The following DCLK1 variants were observed in gnomAD, a reference collection of about 807,000 sequenced individuals.
DCLK1 encodes serine/threonine-protein kinase DCLK1.
In DCLK1, 16 loss-of-function variants were observed where a neutral mutation model predicts 86.2. That is an observed-to-expected ratio of 0.19 (90% CI 0.13 to 0.28). The LOEUF is 0.28. DCLK1 is among the 10% of genes least tolerant of loss of function. The pLI, the probability that DCLK1 is intolerant of heterozygous loss-of-function variation, is 1.00. For missense variants in DCLK1, 590 were observed against 940.2 expected, an observed-to-expected ratio of 0.63 and a Z score of 4.87; for synonymous variants, 369 against 370.5, an observed-to-expected ratio of 1.00 and a Z score of 0.05.
intron 4 of DCLK1, among the ~76,000 whole-genome samples, chr13:35,910,224 C>T (rs1170233781): frequency 6.6e-6 from 1 of 152,180 alleles, no homozygotes; most frequent in Non-Finnish European, 1.5e-5. Context: ...CAATAATAAA[C>T]TGAAATGCAC....
intron 3 of DCLK1, among the ~76,000 whole-genome samples, chr13:36,058,242 T>C (rs2153158649): frequency 6.6e-6 from 1 of 151,684 alleles, no homozygotes; most frequent in East Asian, 1.9e-4. Flanking sequence ...CTGGACAGAG[T>C]TGTCCTCCCT....
intron 16 of DCLK1, among the ~76,000 whole-genome samples, chr13:35,790,434 A>G (rs1009145723): frequency 3.9e-5 from 6 of 152,182 alleles, no homozygotes; most frequent in African/African-American, 1.2e-4. Context: ...TGATTCCCCA[A>G]CTGCCACCAA....
chr13:35,999,258 CAA>C (rs34914381), intron 3 of DCLK1, among the ~76,000 whole-genome samples: 30 of 115,254 alleles, frequency 2.6e-4, no homozygotes, highest in Middle Eastern at 4.6e-3. Context: ...CTGTCTCAAA[CAA>C]AAAAAAAAAA....
intron 4 of DCLK1, among the ~76,000 whole-genome samples, chr13:35,941,767 T>C (rs1242330210): frequency 2.0e-5 from 3 of 152,240 alleles, no homozygotes; most frequent in Non-Finnish European, 4.4e-5. Context: ...TAACACATTT[T>C]TAAATTTTAA....
chr13:36,122,403 AT>A (rs1314378190), intron 2 of DCLK1, among the ~76,000 whole-genome samples: 1 of 152,224 alleles, frequency 6.6e-6, no homozygotes, highest in African/African-American at 2.4e-5. Context: ...AGAAGATTAC[AT>A]ATCTACAGAG....
intron 3 of DCLK1, among the ~76,000 whole-genome samples, chr13:36,046,142 C>T (rs1882906828): frequency 6.6e-6 from 1 of 152,092 alleles, no homozygotes; most frequent in Non-Finnish European, 1.5e-5. Flanking sequence ...CCTTTACTTT[C>T]TTTTCTAATA....
At chr13:35,939,643 T>C (rs773342269) in intron 4 of DCLK1, among the ~76,000 whole-genome samples, 1 of 152,192 alleles carries the variant, frequency 6.6e-6, no homozygotes, top group Non-Finnish European at 1.5e-5. Flanking sequence ...GTGATCCACC[T>C]GCCTCAGCTC....
At chr13:35,824,076 G>A (rs1376952989) in intron 10 of DCLK1, among the ~76,000 whole-genome samples, 1 of 152,222 alleles carries the variant, frequency 6.6e-6, no homozygotes, top group Non-Finnish European at 1.5e-5. Flanking sequence ...TGGTCTATGT[G>A]AACAGCACCC....
intron 3 of DCLK1, among the ~76,000 whole-genome samples, chr13:36,039,282 A>G (rs553226621): frequency 1.8e-4 from 27 of 152,316 alleles, no homozygotes; most frequent in African/African-American, 6.3e-4. Flanking sequence ...ACTGCAACCC[A>G]TTGCCAGATC....
At chr13:35,789,663 C>T (rs2086678791) in intron 16 of DCLK1, among the ~76,000 whole-genome samples, 1 of 152,082 alleles carries the variant, frequency 6.6e-6, no homozygotes, top group South Asian at 2.1e-4. Flanking sequence ...AACTTTAAAG[C>T]ATTAGGAAAA....
intron 3 of DCLK1, among the ~76,000 whole-genome samples, chr13:36,003,712 C>T (rs941284037): frequency 6.6e-6 from 1 of 152,122 alleles, no homozygotes; most frequent in South Asian, 2.1e-4. Flanking sequence ...TCAAAGGTTA[C>T]AAAAGGCTAC....
chr13:35,978,826 C>T (rs1044580012), intron 3 of DCLK1, among the ~76,000 whole-genome samples: 2 of 152,064 alleles, frequency 1.3e-5, no homozygotes, highest in African/African-American at 2.4e-5. Flanking sequence ...AAAATGACAA[C>T]GGCATGAATT....
At chr13:35,994,953 G>T (rs867445298) in intron 3 of DCLK1, among the ~76,000 whole-genome samples, 1 of 152,196 alleles carries the variant, frequency 6.6e-6, no homozygotes, top group Non-Finnish European at 1.5e-5. Flanking sequence ...CATCATTAAG[G>T]TTCATTCAAA....
At chr13:36,049,988 C>T (rs67650822) in intron 3 of DCLK1, among the ~76,000 whole-genome samples, 14,948 of 152,120 alleles carry the variant, frequency 0.098, 1,169 homozygotes, top group South Asian at 0.31. Flanking sequence ...TAAATGCTCC[C>T]TCCATGACAT....
chr13:35,808,940 G>A, intron 13 of DCLK1, 78 bp downstream of exon 13: 1 of 1,295,544 alleles, frequency 7.7e-7, no homozygotes, highest in Non-Finnish European at 1.1e-6. Context: ...AGGCTCCTTT[G>A]TGCAAGAAGG....
intron 3 of DCLK1, among the ~76,000 whole-genome samples, chr13:36,067,608 A>C (rs1433015901): frequency 3.9e-5 from 6 of 152,182 alleles, no homozygotes; most frequent in Admixed American, 3.9e-4. Context: ...CTGTGCTAAC[A>C]ACAGGCCTCT....
intron 16 of DCLK1, among the ~76,000 whole-genome samples, chr13:35,784,288 T>C (rs969566912): frequency 1.3e-5 from 2 of 152,248 alleles, no homozygotes; most frequent in Admixed American, 1.3e-4. Context: ...TGGAATGCCA[T>C]GACATTTTCT....
intron 3 of DCLK1, among the ~76,000 whole-genome samples, chr13:35,971,791 A>G (rs1412804680): frequency 6.6e-6 from 1 of 151,882 alleles, no homozygotes; most frequent in African/African-American, 2.4e-5. Context: ...TCCATAGTAA[A>G]GGCACTCTCC....
Position 35,936,962 on chromosome 13 carries a change from C to CTTTTTTTTTTTTTTTTTTTTTTTTTTTT in DCLK1, c.823+10395_823+10396insAAAAAAAAAAAAAAAAAAAAAAAAAAAA, listed in dbSNP as rs140269668. 3.3e-4 allele frequency among the ~76,000 whole-genome samples: 22 copies of CTTTTTTTTTTTTTTTTTTTTTTTTTTTT among 65,736 alleles called. 5 individuals carry two copies. Among genetic ancestry groups the CTTTTTTTTTTTTTTTTTTTTTTTTTTTT allele is most frequent in the Non-Finnish European group, 4.4e-4 (15 of 33,710 alleles). The allele number at this position is 65,736 out of a possible 152,430, so 43.1% of individuals were successfully genotyped here. A position where few individuals can be genotyped will look rare whatever the true frequency, so the allele number is the denominator to read the frequency against. ...TTAAAACATCCAAAAGAAAAGTTAG[C>CTTTTTTTTTTTTTTTTTTTTTTTTTTTT]TTTTTTTTTTTTTTTTTTTTTTTTT... is the stretch of plus-strand genomic sequence containing the variant. On this transcript the variant is annotated intron_variant, in intron 4 of 16. Transcript: ENST00000360631.
Sources: gnomAD v4.1 joint callset for allele counts (sites outside exome capture counted in the v4.1 genomes callset) on GRCh38, gnomAD v4.1.1 for gene constraint, MANE v1.5 for transcripts, NCBI Gene and HGNC (gene_info 2026-07-23, HGNC 2026-07-21) for gene names.